HTR7: variants seen among roughly 807,000 people sequenced by gnomAD.
The protein encoded by HTR7 is 5-hydroxytryptamine receptor 7.
HTR7 carries 16 observed loss-of-function variants against 34.0 expected under a neutral mutation model. That is an observed-to-expected ratio of 0.47 (90% CI 0.32 to 0.71). HTR7 has a LOEUF of 0.71. Ranked by LOEUF, HTR7 falls within the 30% of genes least tolerant of loss-of-function variation. The pLI is 0.04. For synonymous variants in HTR7, 265 were observed against 260.2 expected (o/e 1.02, Z -0.18); for missense variants, 504 against 625.5 (o/e 0.81, Z 2.07).
chr10:90,758,260 G>A (rs1360689080), intron 1 of HTR7, among the ~76,000 whole-genome samples: 3 of 150,102 alleles, frequency 2.0e-5, no homozygotes, highest in Non-Finnish European at 4.4e-5. Context: ...CAGAAGAATC[G>A]CTTGAACCCA....
intron 1 of HTR7, among the ~76,000 whole-genome samples, chr10:90,854,233 A>G (rs1172109261): frequency 6.6e-6 from 1 of 152,110 alleles, no homozygotes; most frequent in Admixed American, 6.5e-5. Context: ...TGCACCTGTA[A>G]TCCTAGGTAT....
At chr10:90,781,499 C>G (rs1845305063) in intron 1 of HTR7, among the ~76,000 whole-genome samples, 1 of 152,166 alleles carries the variant, frequency 6.6e-6, no homozygotes, top group Non-Finnish European at 1.5e-5. Context: ...CAGAAGACAT[C>G]AGAAGGGTAA....
chr10:90,834,998 G>C (rs566123617), intron 1 of HTR7, among the ~76,000 whole-genome samples: 63 of 152,258 alleles, frequency 4.1e-4, no homozygotes, highest in African/African-American at 1.4e-3. Flanking sequence ...GGAAAAATTT[G>C]CTATTCCCTG....
chr10:90,822,781 T>C (rs1393927179), intron 1 of HTR7, among the ~76,000 whole-genome samples: 6 of 152,332 alleles, frequency 3.9e-5, no homozygotes, highest in African/African-American at 1.2e-4. Flanking sequence ...AGGAACCTGC[T>C]GCTCTGTGCA....
At position 90,741,172 on chromosome 10, in the gene HTR7, C is replaced by T. The variant is rs1328987903; in HGVS notation, c.*1310G>A. ...ATTGTAGGAAAATAATATTCTCTTT[C>T]AGTTCACTCTTATCAAATAAAGAAT... On this transcript the variant is annotated 3_prime_UTR_variant, in exon 4 of 4. Transcript: ENST00000336152. 1.3e-5 allele frequency: 2 copies of T among 152,544 alleles called. No individual in the cohort carries two copies. Among genetic ancestry groups the T allele is most frequent in the Admixed American group, 1.3e-4 (2 of 15,262 alleles). 9.4% of individuals were successfully genotyped at this position (152,544 alleles called of 1,614,324 possible).
At chr10:90,767,272 A>AATATATAATTTAATAT (rs1284663787) in intron 1 of HTR7, among the ~76,000 whole-genome samples, 2 of 152,218 alleles carry the variant, frequency 1.3e-5, no homozygotes, top group African/African-American at 4.8e-5. Flanking sequence ...ACCCTACTTT[A>AATATATAATTTAATAT]AAATTATAAT....
At chr10:90,760,381 G>A (rs1327407814) in intron 1 of HTR7, among the ~76,000 whole-genome samples, 1 of 152,110 alleles carries the variant, frequency 6.6e-6, no homozygotes, top group African/African-American at 2.4e-5. Context: ...ATTTGTTAAA[G>A]GATACAAAAT....
At chr10:90,818,300 G>A (rs1845928000) in intron 1 of HTR7, among the ~76,000 whole-genome samples, 2 of 152,230 alleles carry the variant, frequency 1.3e-5, no homozygotes, top group Admixed American at 6.5e-5. Flanking sequence ...GCTCAGGCCT[G>A]TAATTCCAGC....
At chr10:90,855,688 T>C (rs531394927) in intron 1 of HTR7, among the ~76,000 whole-genome samples, 9 of 152,244 alleles carry the variant, frequency 5.9e-5, no homozygotes, top group Non-Finnish European at 1.2e-4. Context: ...TTTGTCATTC[T>C]TAACTACTGT....
intron 1 of HTR7, among the ~76,000 whole-genome samples, chr10:90,815,580 G>C (rs897464909): frequency 9.2e-5 from 14 of 152,204 alleles, no homozygotes; most frequent in African/African-American, 3.4e-4. Flanking sequence ...TTTGTGGGGG[G>C]CCTGAGGGAG....
At chr10:90,754,889 G>C (rs1353059956) in intron 1 of HTR7, among the ~76,000 whole-genome samples, 1 of 152,196 alleles carries the variant, frequency 6.6e-6, no homozygotes, top group Non-Finnish European at 1.5e-5. Flanking sequence ...CACACACTTA[G>C]AACACCTCCT....
At chr10:90,804,159 T>C (rs1418645688) in intron 1 of HTR7, among the ~76,000 whole-genome samples, 1 of 152,244 alleles carries the variant, frequency 6.6e-6, no homozygotes, top group East Asian at 1.9e-4. Flanking sequence ...CAGACATAGA[T>C]GGCTGGGCTT....
chr10:90,848,153 C>T (rs1049319417), intron 1 of HTR7, among the ~76,000 whole-genome samples: 6 of 150,780 alleles, frequency 4.0e-5, no homozygotes, highest in African/African-American at 1.5e-4. Flanking sequence ...ACCGCAACCT[C>T]GGCCTCCCGG....
At chr10:90,791,021 A>G (rs1845452403) in intron 1 of HTR7, among the ~76,000 whole-genome samples, 1 of 152,108 alleles carries the variant, frequency 6.6e-6, no homozygotes, top group Admixed American at 6.5e-5. Context: ...TCATACAAAT[A>G]AAACACTCCC....
At chr10:90,831,873 G>A (rs1253980286) in intron 1 of HTR7, among the ~76,000 whole-genome samples, 2 of 152,072 alleles carry the variant, frequency 1.3e-5, no homozygotes, top group Admixed American at 6.5e-5. Flanking sequence ...ACAGAGTGTC[G>A]ATTGGTGCAT....
At chr10:90,842,682 A>T (rs775989465) in intron 1 of HTR7, among the ~76,000 whole-genome samples, 7 of 151,018 alleles carry the variant, frequency 4.6e-5, no homozygotes, top group Non-Finnish European at 1.0e-4. Flanking sequence ...TCTTTCTGGG[A>T]TGTGTGGCCT....
In HTR7 at chr10:90,857,115, G is replaced by A. The variant is rs34023433; in HGVS notation, c.539+18C>T. 5.0e-5 allele frequency: 77 copies of A among 1,529,810 alleles called. No homozygotes were observed. The East Asian group carries it at 1.7e-3, about 34-fold the overall frequency. The allele number at this position is 1,529,810 out of a possible 1,614,324, so 94.8% of individuals were successfully genotyped here. On this transcript the variant is annotated intron_variant, in intron 1 of 3. Transcript: ENST00000336152. This position sits in a 1 kb window ranked among gnomAD's most constrained non-coding sequence, Gnocchi z 6.5. ...CGGTCCCCAGCCGGAGCCTGGGACG[G>A]GGCGGTCCGGCCCTTACCTGTCAAT... is the stretch of plus-strand genomic sequence containing the variant.
chr10:90,849,175 T>C (rs1235835046), intron 1 of HTR7, among the ~76,000 whole-genome samples: 2 of 152,232 alleles, frequency 1.3e-5, no homozygotes, highest in Non-Finnish European at 2.9e-5. Flanking sequence ...CTTTCTGATA[T>C]GTACCTGGTG....
At chr10:90,779,566 T>C (rs1014047558) in intron 1 of HTR7, among the ~76,000 whole-genome samples, 1 of 152,146 alleles carries the variant, frequency 6.6e-6, no homozygotes, top group Non-Finnish European at 1.5e-5. Flanking sequence ...CGTCACCTCT[T>C]CTCTGAGTCC....
Sources: allele counts gnomAD v4.1 joint callset (sites outside exome capture counted in the v4.1 genomes callset), GRCh38; gene constraint gnomAD v4.1.1; non-coding constraint Gnocchi (gnomAD v3.1); transcripts MANE v1.5; gene names NCBI Gene and HGNC (gene_info 2026-07-23, HGNC 2026-07-21).